Variants in CDH18 observed in about 807,000 individuals in gnomAD.
The protein encoded by CDH18 is cadherin 18.
A neutral mutation model predicts 67.9 loss-of-function variants in CDH18; 31 were observed. The ratio of observed to expected loss-of-function variants is 0.46; its 90% CI spans 0.34 to 0.62. The LOEUF is 0.62. CDH18 is among the 20% of genes least tolerant of loss of function. The pLI is 0.01. For missense variants in CDH18, 890 were observed against 975.5 expected (o/e 0.91, Z 1.17); for synonymous variants, 362 against 347.2 (o/e 1.04, Z -0.48).
intron 2 of CDH18, among the ~76,000 whole-genome samples, chr5:19,966,891 C>T (rs1488993450): frequency 6.6e-6 from 1 of 151,740 alleles, no homozygotes; most frequent in African/African-American, 2.4e-5. Flanking sequence ...GGCTACATAA[C>T]AAAAATTACA....
intron 1 of CDH18, among the ~76,000 whole-genome samples, chr5:20,505,565 C>A (rs1041022245): frequency 6.6e-6 from 1 of 152,086 alleles, no homozygotes; most frequent in Non-Finnish European, 1.5e-5. Context: ...TGAGCTCATG[C>A]CCACCTTCTA....
rs1448834042 is a variant in CDH18 at position 19,940,180 on chromosome 5, A to G, written c.-257+40880T>C. ...GCTTAGCATATTTAACTTTTTGAAG[A>G]TAAAATCCACTATTCATCTGATTAC... On this transcript the variant is annotated intron_variant, in intron 2 of 12. Transcript: ENST00000382275. Among the ~76,000 whole-genome samples the G allele has an allele frequency of 3.3e-5, 5 of 151,810 alleles. No homozygotes were observed. In the East Asian group the frequency reaches 9.7e-4, roughly 29 times the overall value.
chr5:19,498,040 G>C (rs1742637396), intron 11 of CDH18, among the ~76,000 whole-genome samples: 1 of 152,172 alleles, frequency 6.6e-6, no homozygotes, highest in African/African-American at 2.4e-5. Context: ...AGGTGAAGAG[G>C]AGTGATGTGG....
chr5:20,302,303 G>A (rs1259503500), intron 1 of CDH18, among the ~76,000 whole-genome samples: 2 of 152,094 alleles, frequency 1.3e-5, no homozygotes, highest in South Asian at 2.1e-4. Context: ...TAAACTTAAC[G>A]TCAATCGGGC....
chr5:20,216,296 T>C (rs999567616), intron 2 of CDH18, among the ~76,000 whole-genome samples: 1 of 151,902 alleles, frequency 6.6e-6, no homozygotes, highest in African/African-American at 2.4e-5. Flanking sequence ...ACTTGCCCAA[T>C]GCAAGTCTTG....
intron 2 of CDH18, among the ~76,000 whole-genome samples, chr5:20,210,002 GAT>G (rs1740231305): frequency 6.6e-6 from 1 of 150,950 alleles, no homozygotes; most frequent in Non-Finnish European, 1.5e-5. Context: ...AATAATGTAA[GAT>G]TAATTAAAAT....
chr5:20,572,568 G>A (rs1758875851), intron 1 of CDH18, among the ~76,000 whole-genome samples: 1 of 152,054 alleles, frequency 6.6e-6, no homozygotes. Flanking sequence ...GCTTCTTATT[G>A]ATCTTAAATG....
chr5:20,273,990 C>A, intron 1 of CDH18, among the ~76,000 whole-genome samples: 1 of 151,878 alleles, frequency 6.6e-6, no homozygotes, highest in Non-Finnish European at 1.5e-5. Context: ...TGAGTGGTGT[C>A]GGAAGAGAAG....
intron 1 of CDH18, among the ~76,000 whole-genome samples, chr5:20,415,757 C>T (rs764470252): frequency 2.6e-5 from 4 of 151,772 alleles, no homozygotes; most frequent in Non-Finnish European, 5.9e-5. Flanking sequence ...GCCTGGGTGA[C>T]AGAGCAAGAC....
At chr5:19,486,018 T>A (rs1740338874) in intron 11 of CDH18, among the ~76,000 whole-genome samples, 1 of 152,170 alleles carries the variant, frequency 6.6e-6, no homozygotes. Flanking sequence ...TTTTAAGTCC[T>A]GAAATAGAAA....
Position 20,390,858 on chromosome 5 carries a change from A to G in CDH18, c.-579-135353T>C, listed in dbSNP as rs1332149347. On this transcript the variant is annotated intron_variant, in intron 1 of 14. Transcript: ENST00000507958. Reference sequence around the variant, plus strand: ...TGTAGGGACATGAACGAAGCTGGAAACCATCATTCTCAGCAAACTATCACA... The same window carrying G: ...TGTAGGGACATGAACGAAGCTGGAAGCCATCATTCTCAGCAAACTATCACA... Among the ~76,000 whole-genome samples the G allele has an allele frequency of 2.6e-5, 4 of 152,160 alleles. No individual in the cohort carries two copies. The East Asian group carries it at 7.7e-4, about 29-fold the overall frequency.
At chr5:20,566,943 AC>A in intron 1 of CDH18, among the ~76,000 whole-genome samples, 1 of 152,280 alleles carries the variant, frequency 6.6e-6, no homozygotes, top group Middle Eastern at 3.4e-3. Context: ...TACTCCAATT[AC>A]CATTAGCCAA....
Position 19,861,604 on chromosome 5 carries a change from G to A in CDH18, c.-256-22362C>T, listed in dbSNP as rs376893686. On this transcript the variant is annotated intron_variant, in intron 2 of 12. Coordinates refer to ENST00000382275, the MANE Select transcript of CDH18 (RefSeq NM_004934.5). ...TGGGAAACAATTGACAGAGTAGAGA[G>A]AGTGGTACCTTGGACTTGAGATAAT... Among the ~76,000 whole-genome samples, 7 of 152,134 alleles carry A rather than the reference G, an allele frequency of 4.6e-5. No homozygotes were observed. The East Asian group carries it at 5.8e-4, about 13-fold the overall frequency.
At chr5:19,516,872 C>A (rs942901227) in intron 10 of CDH18, among the ~76,000 whole-genome samples, 2 of 151,896 alleles carry the variant, frequency 1.3e-5, no homozygotes, top group South Asian at 2.1e-4. Context: ...TTTGCTTAAC[C>A]ATTCACCTAT....
intron 2 of CDH18, among the ~76,000 whole-genome samples, chr5:19,876,835 T>C (rs1046104706): frequency 1.3e-5 from 2 of 152,150 alleles, no homozygotes; most frequent in Non-Finnish European, 2.9e-5. Flanking sequence ...AGAGCTATGC[T>C]AACTTCCTAA....
intron 3 of CDH18, among the ~76,000 whole-genome samples, chr5:19,825,309 G>A (rs1165394942): frequency 6.6e-6 from 1 of 152,034 alleles, no homozygotes; most frequent in African/African-American, 2.4e-5. Flanking sequence ...GCTTATATTT[G>A]CCAAGGGAAA....
chr5:20,053,111 C>T (rs1227407706), intron 2 of CDH18, among the ~76,000 whole-genome samples: 2 of 151,544 alleles, frequency 1.3e-5, no homozygotes, highest in Admixed American at 6.6e-5. Context: ...TTATGTGATC[C>T]GTCAGATCAG....
At chr5:19,551,817 C>T (rs1260346382) in intron 8 of CDH18, among the ~76,000 whole-genome samples, 1 of 152,116 alleles carries the variant, frequency 6.6e-6, no homozygotes, top group African/African-American at 2.4e-5. Context: ...ATAGCCAGAA[C>T]TTCAGCCTGT....
At chr5:20,387,474 C>A (rs1249304448) in intron 1 of CDH18, among the ~76,000 whole-genome samples, 1 of 152,106 alleles carries the variant, frequency 6.6e-6, no homozygotes, top group African/African-American at 2.4e-5. Context: ...TGGGCTGAGA[C>A]GATGGGGTTT....
Sources: allele counts gnomAD v4.1 joint callset (sites outside exome capture counted in the v4.1 genomes callset), GRCh38; gene constraint gnomAD v4.1.1; transcripts MANE v1.5; gene names NCBI Gene and HGNC (gene_info 2026-07-23, HGNC 2026-07-21).